PCDH15: variants seen among roughly 807,000 people sequenced by gnomAD.
The protein encoded by PCDH15 is protocadherin-15.
Under a neutral mutation model 178.5 loss-of-function variants are expected in PCDH15, and 129 were observed. The ratio of observed to expected loss-of-function variants is 0.72; its 90% CI spans 0.63 to 0.84. The LOEUF is 0.84. PCDH15 is among the 40% of genes least tolerant of loss of function. PCDH15 has a pLI of 0.00. For missense variants in PCDH15, 2,230 were observed against 2,099.9 expected (o/e 1.06, Z -1.21); for synonymous variants, 800 against 732.0 (o/e 1.09, Z -1.50).
chr10:55,186,681 T>C (rs1839808358), intron 1 of PCDH15, among the ~76,000 whole-genome samples: 1 of 151,820 alleles, frequency 6.6e-6, no homozygotes. Flanking sequence ...ATTTGTGCCA[T>C]GCACAACCAT....
At chr10:55,284,908 T>G (rs553947126) in intron 1 of PCDH15, among the ~76,000 whole-genome samples, 9 of 151,902 alleles carry the variant, frequency 5.9e-5, no homozygotes, top group African/African-American at 2.2e-4. Context: ...TCATAGGGAA[T>G]CAGAGTCTAG....
At chr10:53,928,483 T>C (rs757541113) in intron 25 of PCDH15, among the ~76,000 whole-genome samples, 1 of 152,092 alleles carries the variant, frequency 6.6e-6, no homozygotes, top group African/African-American at 2.4e-5. Flanking sequence ...CCTACAACCA[T>C]AATCAATAAT....
At chr10:54,021,058 C>T (rs890491390) in intron 19 of PCDH15, among the ~76,000 whole-genome samples, 4 of 151,870 alleles carry the variant, frequency 2.6e-5, no homozygotes, top group South Asian at 2.1e-4. Flanking sequence ...CAATTACTGC[C>T]CTACAGGTTA....
At chr10:55,262,019 AAAAC>A (rs1202244752) in intron 1 of PCDH15, among the ~76,000 whole-genome samples, 2 of 151,520 alleles carry the variant, frequency 1.3e-5, no homozygotes, top group Admixed American at 1.3e-4. Context: ...GAAGAAGAGA[AAAAC>A]AAAGAAGGGA....
intron 3 of PCDH15, among the ~76,000 whole-genome samples, chr10:54,404,465 A>G (rs569472664): frequency 1.3e-5 from 2 of 152,260 alleles, no homozygotes; most frequent in South Asian, 4.1e-4. Flanking sequence ...CTGACAAGCC[A>G]TATGCAGAAG....
intron 1 of PCDH15, among the ~76,000 whole-genome samples, chr10:54,744,770 C>T (rs1473390684): frequency 1.3e-5 from 2 of 152,022 alleles, no homozygotes; most frequent in Non-Finnish European, 2.9e-5. Flanking sequence ...AGTAATTATC[C>T]TATTTGCTAT....
intron 1 of PCDH15, among the ~76,000 whole-genome samples, chr10:55,232,727 C>A (rs900096984): frequency 6.6e-6 from 1 of 152,062 alleles, no homozygotes. Flanking sequence ...AAGTCCCATA[C>A]ATAAGGAACT....
chr10:55,138,769 C>T (rs1241633470), intron 2 of PCDH15, among the ~76,000 whole-genome samples: 1 of 152,050 alleles, frequency 6.6e-6, no homozygotes, highest in Non-Finnish European at 1.5e-5. Context: ...GTACTGTGTC[C>T]TCCCTCCTCC....
At chr10:54,969,532 A>G (rs960485823) in intron 2 of PCDH15, among the ~76,000 whole-genome samples, 2 of 152,158 alleles carry the variant, frequency 1.3e-5, no homozygotes, top group East Asian at 3.9e-4. Flanking sequence ...GCCAATCAAC[A>G]TTCAACTGCA....
In PCDH15 at chr10:54,438,087, C is replaced by A. The variant is rs73255913; in HGVS notation, c.158-59145G>T. Among the ~76,000 whole-genome samples, 1,174 of 152,030 alleles carry A rather than the reference C, an allele frequency of 7.7e-3. 16 individuals carry two copies. Among genetic ancestry groups the A allele is most frequent in the African/African-American group, 0.027 (1,106 of 41,484 alleles). Reference sequence around the variant, plus strand: ...TCTAGTTGCATGTAAATTAAAACTACAATTTTGCAACCAAATTAAAACATT... The same window carrying A: ...TCTAGTTGCATGTAAATTAAAACTAAAATTTTGCAACCAAATTAAAACATT... On this transcript the variant is annotated intron_variant, in intron 3 of 37. Transcript: ENST00000644397.
chr10:53,816,714 A>G (rs2076071850), intron 34 of PCDH15, among the ~76,000 whole-genome samples: 1 of 152,136 alleles, frequency 6.6e-6, no homozygotes, highest in Non-Finnish European at 1.5e-5. Context: ...TGGGAAGAAG[A>G]GCAGAACACA....
chr10:54,842,047 T>C (rs1020030224), intron 3 of PCDH15, among the ~76,000 whole-genome samples: 2 of 151,786 alleles, frequency 1.3e-5, no homozygotes, highest in Admixed American at 6.6e-5. Flanking sequence ...TCATAGGAAA[T>C]AAAGATCTTT....
chr10:54,802,277 T>A (rs7922254), upstream of PCDH15, among the ~76,000 whole-genome samples: 113,454 of 152,148 alleles, frequency 0.75, 42,491 homozygotes, highest in South Asian at 0.86. Flanking sequence ...AAATAACATC[T>A]CATTTAAAAC....
chr10:54,854,570 G>T (rs1953703073), intron 3 of PCDH15, among the ~76,000 whole-genome samples: 1 of 152,140 alleles, frequency 6.6e-6, no homozygotes, highest in Non-Finnish European at 1.5e-5. Flanking sequence ...TCAGCTCCTA[G>T]GAGAGTGGAG....
chr10:55,219,275 A>G (rs973637176), intron 1 of PCDH15, among the ~76,000 whole-genome samples: 2 of 151,884 alleles, frequency 1.3e-5, no homozygotes, highest in Admixed American at 6.6e-5. Flanking sequence ...CATGATCACT[A>G]TGTATGCCTA....
intron 2 of PCDH15, among the ~76,000 whole-genome samples, chr10:54,650,376 T>C (rs149406133): frequency 1.6e-3 from 237 of 152,170 alleles, no homozygotes; most frequent in African/African-American, 5.3e-3. Context: ...GGCATAATAA[T>C]AGTAAAATAC....
At chr10:54,224,267 A>G (rs1252260848) in intron 9 of PCDH15, among the ~76,000 whole-genome samples, 2 of 152,138 alleles carry the variant, frequency 1.3e-5, no homozygotes, top group African/African-American at 4.8e-5. Context: ...AACAATTATA[A>G]CATGTAACTT....
chr10:54,216,867 T>C (rs992691510), intron 9 of PCDH15, among the ~76,000 whole-genome samples: 1 of 152,194 alleles, frequency 6.6e-6, no homozygotes, highest in Admixed American at 6.5e-5. Flanking sequence ...GGTAAATAAA[T>C]GGTGATACAT....
chr10:54,846,038 T>C (rs983765241), intron 3 of PCDH15, among the ~76,000 whole-genome samples: 1 of 152,156 alleles, frequency 6.6e-6, no homozygotes, highest in Non-Finnish European at 1.5e-5. Flanking sequence ...TATATTCTTA[T>C]ACTAATTACT....
Sources: gnomAD v4.1 joint callset for allele counts (sites outside exome capture counted in the v4.1 genomes callset) on GRCh38, gnomAD v4.1.1 for gene constraint, MANE v1.5 for transcripts, NCBI Gene and HGNC (gene_info 2026-07-23, HGNC 2026-07-21) for gene names.